Variants in PALM2AKAP2 observed in about 807,000 individuals in gnomAD.
PALM2AKAP2 encodes PALM2 and AKAP2 fusion.
Under a neutral mutation model 71.5 loss-of-function variants are expected in PALM2AKAP2, and 37 were observed. That is an observed-to-expected ratio of 0.52 (90% CI 0.40 to 0.68). PALM2AKAP2 has a LOEUF of 0.68. PALM2AKAP2 is among the 30% of genes least tolerant of loss of function. The pLI, the probability that PALM2AKAP2 is intolerant of heterozygous loss-of-function variation, is 0.00. For missense variants in PALM2AKAP2, 1,224 were observed against 1,191.8 expected, an observed-to-expected ratio of 1.03 and a Z score of -0.40; for synonymous variants, 468 against 478.8, an observed-to-expected ratio of 0.98 and a Z score of 0.29.
intron 1 of PALM2AKAP2, among the ~76,000 whole-genome samples, chr9:109,849,928 TC>T (rs905840119): frequency 4.6e-5 from 7 of 152,108 alleles, no homozygotes; most frequent in African/African-American, 1.7e-4. Flanking sequence ...TCTTCAGTTT[TC>T]CCCCTGATCA....
chr9:109,758,530 TTGTG>T (rs10528378), intron 1 of PALM2AKAP2, among the ~76,000 whole-genome samples: 32,426 of 150,654 alleles, frequency 0.22, 3,606 homozygotes, highest in Middle Eastern at 0.34. Flanking sequence ...AGAGTGCAGT[TTGTG>T]TGTGTGTGTG....
At chr9:109,661,045 T>C (rs1827386265) in intron 1 of PALM2AKAP2, among the ~76,000 whole-genome samples, 1 of 152,232 alleles carries the variant, frequency 6.6e-6, no homozygotes, top group African/African-American at 2.4e-5. Flanking sequence ...TTGAGTTCTT[T>C]GTAGATTCTG....
intron 1 of PALM2AKAP2, among the ~76,000 whole-genome samples, chr9:110,065,617 C>T (rs1016399063): frequency 2.0e-5 from 3 of 152,204 alleles, no homozygotes; most frequent in African/African-American, 7.2e-5. Context: ...AGTACATTCA[C>T]ATTATTGTGC....
intron 1 of PALM2AKAP2, among the ~76,000 whole-genome samples, chr9:109,833,564 G>C (rs946390694): frequency 6.6e-6 from 1 of 152,060 alleles, no homozygotes; most frequent in African/African-American, 2.4e-5. Flanking sequence ...TGGTCTGTGG[G>C]CTCACCTAGT....
chr9:110,134,566 C>T (rs2119084664), intron 1 of PALM2AKAP2, among the ~76,000 whole-genome samples: 1 of 152,318 alleles, frequency 6.6e-6, no homozygotes, highest in Middle Eastern at 3.4e-3. Flanking sequence ...TCATGGATAA[C>T]TCAGAGAGTT....
intron 2 of PALM2AKAP2, among the ~76,000 whole-genome samples, chr9:109,875,947 A>G (rs1829710851): frequency 6.6e-6 from 1 of 152,054 alleles, no homozygotes; most frequent in Non-Finnish European, 1.5e-5. Flanking sequence ...CCTTCCTTGT[A>G]TTGACTTGCC....
At chr9:109,810,115 G>A (rs1205199300) in intron 1 of PALM2AKAP2, among the ~76,000 whole-genome samples, 3 of 152,202 alleles carry the variant, frequency 2.0e-5, no homozygotes, top group Non-Finnish European at 2.9e-5. Context: ...TTGGCTGGTG[G>A]TGGTGGGGAG....
intron 1 of PALM2AKAP2, among the ~76,000 whole-genome samples, chr9:109,686,303 C>T (rs1429954078): frequency 1.3e-5 from 2 of 152,146 alleles, no homozygotes; most frequent in African/African-American, 4.8e-5. Context: ...CCAGATTAAT[C>T]AAAGGAATCA....
At chr9:109,900,654 T>TTACCCTC (rs1830305992) in intron 3 of PALM2AKAP2, among the ~76,000 whole-genome samples, 1 of 152,198 alleles carries the variant, frequency 6.6e-6, no homozygotes, top group South Asian at 2.1e-4. Flanking sequence ...ATGACAGTCA[T>TTACCCTC]TACCCTCACA....
chr9:109,902,540 C>T (rs1830352889), intron 3 of PALM2AKAP2, among the ~76,000 whole-genome samples: 1 of 152,250 alleles, frequency 6.6e-6, no homozygotes, highest in Admixed American at 6.5e-5. Context: ...CTCCAGGAAG[C>T]CCTTCTAGTG....
At chr9:109,717,865 C>T (rs566682662) in intron 1 of PALM2AKAP2, among the ~76,000 whole-genome samples, 49 of 152,086 alleles carry the variant, frequency 3.2e-4, no homozygotes, top group African/African-American at 1.2e-3. Flanking sequence ...GCACTGTGGG[C>T]ACCAGAGCTA....
At chr9:109,678,697 G>A (rs1299454578) in intron 1 of PALM2AKAP2, among the ~76,000 whole-genome samples, 1 of 152,158 alleles carries the variant, frequency 6.6e-6, no homozygotes, top group African/African-American at 2.4e-5. Context: ...ATTCTGGGAA[G>A]AGGAAATCAT....
chr9:109,833,022 A>G (rs1015338428), intron 1 of PALM2AKAP2, among the ~76,000 whole-genome samples: 1 of 152,170 alleles, frequency 6.6e-6, no homozygotes. Context: ...TTGCCCAGCT[A>G]GTCCATCCCA....
At chr9:109,741,322 G>GTAA (rs559043507) in intron 1 of PALM2AKAP2, among the ~76,000 whole-genome samples, 1 of 152,292 alleles carries the variant, frequency 6.6e-6, no homozygotes, top group South Asian at 2.1e-4. Context: ...GTACTCCATT[G>GTAA]TGTAATTATA....
chr9:109,692,749 TG>T (rs1371892532), intron 1 of PALM2AKAP2, among the ~76,000 whole-genome samples: 1 of 152,074 alleles, frequency 6.6e-6, no homozygotes, highest in African/African-American at 2.4e-5. Context: ...TAAATTAATT[TG>T]AAAATGTTAA....
chr9:110,071,578 T>C (rs1834208773), intron 1 of PALM2AKAP2, among the ~76,000 whole-genome samples: 1 of 152,198 alleles, frequency 6.6e-6, no homozygotes, highest in African/African-American at 2.4e-5. Flanking sequence ...TGGATACATG[T>C]CCTCTGTAAC....
At chr9:110,071,992 G>A (rs1482647579) in intron 1 of PALM2AKAP2, among the ~76,000 whole-genome samples, 1 of 152,176 alleles carries the variant, frequency 6.6e-6, no homozygotes, top group Non-Finnish European at 1.5e-5. Context: ...GGGAAACAGT[G>A]AAAGGTGAGT....
At chr9:109,922,153 C>T (rs879506819) in intron 3 of PALM2AKAP2, among the ~76,000 whole-genome samples, 1 of 151,900 alleles carries the variant, frequency 6.6e-6, no homozygotes, top group Non-Finnish European at 1.5e-5. Context: ...GGCACGGTGG[C>T]TCACGCCTGT....
intron 3 of PALM2AKAP2, among the ~76,000 whole-genome samples, chr9:109,918,758 C>G (rs1044398997): frequency 2.6e-5 from 4 of 152,336 alleles, no homozygotes; most frequent in Admixed American, 2.0e-4. Flanking sequence ...ACCCTCAGAG[C>G]CTGGCCCAAG....
Sources: allele counts gnomAD v4.1 joint callset (sites outside exome capture counted in the v4.1 genomes callset), GRCh38; gene constraint gnomAD v4.1.1; transcripts MANE v1.5; gene names NCBI Gene and HGNC (gene_info 2026-07-23, HGNC 2026-07-21).